MSRB3: variants seen among roughly 807,000 people sequenced by gnomAD.
The protein encoded by MSRB3 is methionine-R-sulfoxide reductase B3.
A neutral mutation model predicts 21.0 loss-of-function variants in MSRB3; 13 were observed. The observed-to-expected ratio is 0.62, with a 90% CI of 0.40 to 0.98. The LOEUF (loss-of-function observed/expected upper bound fraction) is 0.98, where lower values mean the gene tolerates loss of function less well. MSRB3 is among the 50% of genes least tolerant of loss of function. The pLI is 0.00. For missense variants in MSRB3, 199 were observed against 230.3 expected, an observed-to-expected ratio of 0.86 and a Z score of 0.88; for synonymous variants, 87 against 88.6, an observed-to-expected ratio of 0.98 and a Z score of 0.10.
intron 5 of MSRB3, among the ~76,000 whole-genome samples, chr12:65,422,444 TTATGGGGTA>T (rs1881374890): frequency 7.8e-6 from 1 of 128,442 alleles, no homozygotes; most frequent in African/African-American, 2.9e-5. Flanking sequence ...ATTTATTTAT[TTATGGGGTA>T]TATGGGATAT....
rs188391951 is a variant in MSRB3 at position 65,289,906 on chromosome 12, T to C, written c.-52+11041T>C. Among the ~76,000 whole-genome samples, 48 of 152,366 alleles carry C rather than the reference T, an allele frequency of 3.2e-4. No homozygotes were observed. In the East Asian group the frequency reaches 5.8e-3, roughly 18 times the overall value. On this transcript the variant is annotated intron_variant, in intron 1 of 6. Coordinates refer to ENST00000308259, the MANE Select transcript of MSRB3 (RefSeq NM_001031679.3). ...TAGCTATGTAGTATTCCATGATGTA[T>C]GTGTACCATGTTTTCTTTATCCCCC...
At chr12:65,438,946 A>G (rs1345837473) in intron 5 of MSRB3, among the ~76,000 whole-genome samples, 1 of 151,918 alleles carries the variant, frequency 6.6e-6, no homozygotes, top group Non-Finnish European at 1.5e-5. Context: ...AGGAAAAATG[A>G]AAGGAAAATA....
chr12:65,339,510 A>G (rs1254754787), intron 4 of MSRB3, among the ~76,000 whole-genome samples: 1 of 152,220 alleles, frequency 6.6e-6, no homozygotes, highest in Non-Finnish European at 1.5e-5. Context: ...TACAGATATG[A>G]CATCACTAAA....
intron 4 of MSRB3, among the ~76,000 whole-genome samples, chr12:65,359,088 T>C (rs931414172): frequency 5.3e-5 from 8 of 152,046 alleles, no homozygotes; most frequent in African/African-American, 1.9e-4. Flanking sequence ...TGATCAATTT[T>C]ATAACTTATA....
At position 65,328,032 on chromosome 12, in the gene MSRB3, G is replaced by T. The variant is rs986476227; in HGVS notation, c.186-494G>T. On this transcript the variant is annotated intron_variant, in intron 3 of 6. Coordinates refer to ENST00000308259, the MANE Select transcript of MSRB3 (RefSeq NM_001031679.3). ...ATAGACTTTTTGTTGGGCTAGCACA[G>T]CTGATTTGTATTAGCTGAATGACCT... is the stretch of plus-strand genomic sequence containing the variant. Among the ~76,000 whole-genome samples the T allele has an allele frequency of 2.6e-5, 4 of 152,200 alleles. No individual in the cohort carries two copies. In the South Asian group the frequency reaches 8.3e-4, roughly 31 times the overall value.
intron 1 of MSRB3, among the ~76,000 whole-genome samples, chr12:65,288,491 T>C (rs1872514814): frequency 6.6e-6 from 1 of 152,222 alleles, no homozygotes; most frequent in Non-Finnish European, 1.5e-5. Context: ...TAAGATCTTA[T>C]GTTTGAACTT....
At chr12:65,380,435 G>T (rs771392937) in intron 5 of MSRB3, among the ~76,000 whole-genome samples, 2 of 152,082 alleles carry the variant, frequency 1.3e-5, no homozygotes, top group Non-Finnish European at 2.9e-5. Flanking sequence ...AATTAACCAG[G>T]TGTGGTGGTG....
chr12:65,320,363 GT>G (rs769382810), intron 2 of MSRB3, among the ~76,000 whole-genome samples: 1 of 152,062 alleles, frequency 6.6e-6, no homozygotes. Context: ...AATTAAGAAT[GT>G]TTTTTAAAAA....
At chr12:65,439,123 A>G (rs981096743) in intron 5 of MSRB3, among the ~76,000 whole-genome samples, 7 of 151,828 alleles carry the variant, frequency 4.6e-5, no homozygotes, top group African/African-American at 1.7e-4. Flanking sequence ...AACAAAACAG[A>G]AAGCAGAAAT....
intron 2 of MSRB3, among the ~76,000 whole-genome samples, chr12:65,309,801 A>G (rs537169595): frequency 1.3e-5 from 2 of 152,308 alleles, no homozygotes; most frequent in East Asian, 3.9e-4. Flanking sequence ...ATGGGAAAAC[A>G]TGAAGGCCTG....
intron 4 of MSRB3, among the ~76,000 whole-genome samples, chr12:65,339,442 AC>A (rs1326567554): frequency 6.6e-6 from 1 of 152,148 alleles, no homozygotes; most frequent in Non-Finnish European, 1.5e-5. Context: ...TCAAACACTG[AC>A]TTTTAGTATT....
At chr12:65,338,856 C>A (rs1875953809) in intron 4 of MSRB3, among the ~76,000 whole-genome samples, 1 of 152,086 alleles carries the variant, frequency 6.6e-6, no homozygotes, top group Non-Finnish European at 1.5e-5. Context: ...AGGCAGATTG[C>A]CTGAGCTCAG....
At chr12:65,453,265 A>T (rs1254195042) in intron 5 of MSRB3, among the ~76,000 whole-genome samples, 1 of 152,198 alleles carries the variant, frequency 6.6e-6, no homozygotes, top group Non-Finnish European at 1.5e-5. Context: ...AATTTTAACT[A>T]TCCAAACTAG....
chr12:65,402,073 C>G (rs1858622058), intron 5 of MSRB3, among the ~76,000 whole-genome samples: 1 of 152,124 alleles, frequency 6.6e-6, no homozygotes, highest in African/African-American at 2.4e-5. Context: ...CTTGGTGAAT[C>G]TGGCGATTAT....
intron 2 of MSRB3, among the ~76,000 whole-genome samples, chr12:65,319,390 T>G (rs1399994203): frequency 6.6e-6 from 1 of 152,138 alleles, no homozygotes; most frequent in Non-Finnish European, 1.5e-5. Flanking sequence ...TGTTTGGATC[T>G]TTTCTGGCAC....
chr12:65,288,018 C>G (rs1872473715), intron 1 of MSRB3, among the ~76,000 whole-genome samples: 1 of 151,458 alleles, frequency 6.6e-6, no homozygotes, highest in African/African-American at 2.4e-5. Context: ...CTTTAAGATT[C>G]TGTAGGCTGG....
chr12:65,284,129 T>C (rs932415088), intron 1 of MSRB3: 3 of 152,122 alleles, frequency 2.0e-5, no homozygotes, highest in Non-Finnish European at 4.4e-5. Flanking sequence ...AGTACAAATA[T>C]GGAAAATTAA....
At chr12:65,311,355 A>G (rs1592512519) in intron 2 of MSRB3, among the ~76,000 whole-genome samples, 1 of 152,094 alleles carries the variant, frequency 6.6e-6, no homozygotes, top group Non-Finnish European at 1.5e-5. Context: ...GTATTCCATA[A>G]TTTCTCGACC....
intron 5 of MSRB3, among the ~76,000 whole-genome samples, chr12:65,407,214 G>T (rs926891925): frequency 1.3e-5 from 2 of 151,924 alleles, no homozygotes; most frequent in Non-Finnish European, 2.9e-5. Context: ...GGAAAGGACA[G>T]TCTTTTCAAT....
Sources: allele counts gnomAD v4.1 joint callset (sites outside exome capture counted in the v4.1 genomes callset), GRCh38; gene constraint gnomAD v4.1.1; transcripts MANE v1.5; gene names NCBI Gene and HGNC (gene_info 2026-07-23, HGNC 2026-07-21).